The following DSC1 variants were observed in gnomAD, a reference collection of about 807,000 sequenced individuals.
DSC1 encodes the protein desmocollin-1.
DSC1 carries 79 observed loss-of-function variants against 98.8 expected under a neutral mutation model. The observed-to-expected ratio is 0.80, with a 90% CI of 0.67 to 0.96. The LOEUF (loss-of-function observed/expected upper bound fraction) is 0.96. Ranked by LOEUF, DSC1 falls within the 50% of genes least tolerant of loss-of-function variation. The pLI, the probability that DSC1 is intolerant of heterozygous loss-of-function variation, is 0.00. For missense variants in DSC1, 1,115 were observed against 1,075.9 expected (o/e 1.04, Z -0.51); for synonymous variants, 405 against 372.1 (o/e 1.09, Z -1.02).
chr18:31,162,095 A>T (rs2217989), intron 1 of DSC1, among the ~76,000 whole-genome samples: 76,723 of 152,052 alleles, frequency 0.5, 20,723 homozygotes, highest in East Asian at 0.66. Flanking sequence ...AAATTCAAAA[A>T]GTCCTGGATA....
rs778384429 is a variant in DSC1 at position 31,154,826 on chromosome 18, C to G, written c.575G>C (p.Gly192Ala). ...AATGCTCCTTGTACAAAAGATATCC[C>G]CAGTGTCTTTCTCTATGTAAAACAA... ...FNLFYIEKDT[G>A]DIFCTRSIDR... is the part of the protein sequence containing the mutation. The change falls in exon 5 of 16, where the codon GGG becomes GCG. Residue 192 changes from glycine (G) to alanine (A), a missense_variant. Physicochemically the swap from Gly to Ala is moderately conservative, Grantham distance 60. Transcript: ENST00000257198. The G allele has an allele frequency of 3.7e-6, 6 of 1,613,972 alleles. No individual in the cohort carries two copies. Among genetic ancestry groups the G allele is most frequent in the Non-Finnish European group, 4.2e-6 (5 of 1,179,922 alleles).
intron 11 of DSC1, among the ~76,000 whole-genome samples, chr18:31,135,076 A>C (rs981091049): frequency 6.6e-6 from 1 of 152,186 alleles, no homozygotes; most frequent in African/African-American, 2.4e-5. Context: ...GATGTCTTAC[A>C]TCCTTCTTTA....
rs1353532767 is a variant in DSC1, at chr18:31,157,481, G to A, written c.241C>T (p.His81Tyr). Residue 81 changes from histidine to tyrosine, a missense_variant, in exon 3 of 16, where the codon CAT becomes TAT. Transcript: ENST00000257198. Reference sequence around the variant, plus strand: ...CTTTCAGAAGACAAAATGAGGTCATGTGTTGTGTAAATTGAGCCATCTTCT... The same window carrying A: ...CTTTCAGAAGACAAAATGAGGTCATATGTTGTGTAAATTGAGCCATCTTCT... The part of the protein sequence containing the change: ...ILEDGSIYTT[H>Y]DLILSSERKS... The A allele has an allele frequency of 3.7e-6, 6 of 1,614,226 alleles. 1 individual carries two copies. In the South Asian group the frequency reaches 5.5e-5, roughly 15 times the overall value.
At chr18:31,155,885 C>A (rs1365207772) in intron 4 of DSC1, among the ~76,000 whole-genome samples, 158 bp downstream of exon 4, 1 of 152,156 alleles carries the variant, frequency 6.6e-6, no homozygotes, top group Admixed American at 6.5e-5. Flanking sequence ...ATAAGATATA[C>A]TGGGTCACTT....
chr18:31,144,658 G>A (rs2144935952), intron 7 of DSC1, among the ~76,000 whole-genome samples: 1 of 152,224 alleles, frequency 6.6e-6, no homozygotes, highest in Non-Finnish European at 1.5e-5. Context: ...CTCAATAGGA[G>A]GATTTTTAGG....
intron 14 of DSC1, chr18:31,132,184 A>G (rs1988508087): frequency 2.7e-6 from 1 of 365,806 alleles, no homozygotes; most frequent in Non-Finnish European, 5.1e-6. Flanking sequence ...ACATGCACAC[A>G]TGGAGAATCG....
Position 31,145,549 on chromosome 18 carries a change from C to T in DSC1, c.939+62G>A, listed in dbSNP as rs2304553. ...AGACTGGCCATATTGCAACTTCTCT[C>T]GGGAGTTCATTCTCAGTTTAAATGT... is the stretch of plus-strand genomic sequence containing the variant. On this transcript the variant is annotated intron_variant, in intron 7 of 15. Transcript: ENST00000257198. 2,862 of 1,579,108 alleles carry T rather than the reference C, an allele frequency of 1.8e-3. 105 individuals are homozygous for T. The East Asian group carries it at 0.058, about 32-fold the overall frequency.
intron 14 of DSC1, chr18:31,132,077 T>C (rs996426716): frequency 1.8e-6 from 1 of 546,674 alleles, no homozygotes; most frequent in Admixed American, 3.1e-5. Flanking sequence ...AGGGTCATTG[T>C]AGATGTAATT....
rs1598617517 is a variant in DSC1 at position 31,140,291 on chromosome 18, T to C, written c.1271A>G (p.Tyr424Cys). The C allele has an allele frequency of 5.0e-6, 8 of 1,613,846 alleles. No homozygotes were observed. The highest frequency in any genetic ancestry group is 1.7e-5 in the Admixed American group (1 of 59,978). The change falls in exon 10 of 16, where the codon TAT becomes TGT. Residue 424 changes from tyrosine (Y) to cysteine (C), a missense_variant. Physicochemically the swap from Tyr to Cys is radical, Grantham distance 194 (BLOSUM62 -2). Transcript: ENST00000257198. ...GVLCVVKPLN[Y>C]EVNRQVILQV... Reference sequence around the variant, plus strand: ...CAAAATAACTTGGCGATTGACTTCATAGTTCAATGGCTGTTAAATAAGCAT... The same window carrying C: ...CAAAATAACTTGGCGATTGACTTCACAGTTCAATGGCTGTTAAATAAGCAT...
intron 8 of DSC1, among the ~76,000 whole-genome samples, chr18:31,143,152 T>TTA (rs1489079851): frequency 1.1e-4 from 17 of 151,708 alleles, no homozygotes; most frequent in African/African-American, 2.9e-4. Context: ...ATATATATAT[T>TTA]TATATATATC....
At chr18:31,160,484 A>T (rs1035018526) in intron 1 of DSC1, among the ~76,000 whole-genome samples, 15 of 152,318 alleles carry the variant, frequency 9.8e-5, no homozygotes, top group African/African-American at 3.6e-4. Context: ...ATCCATATTA[A>T]GGATGTGCAC....
In DSC1 at chr18:31,142,197, C is replaced by A; in HGVS notation, c.1075-13G>T. ...CTTCTGTAACATACTGAAAGAATTG[C>A]CCCTTATTATTATCAATTTACAACT... On this transcript the variant is annotated splice_polypyrimidine_tract_variant and intron_variant, in intron 8 of 15. Coordinates refer to ENST00000257198, the MANE Select transcript of DSC1 (RefSeq NM_024421.2). 2 of 1,595,244 alleles carry A rather than the reference C, an allele frequency of 1.3e-6. No individual in the cohort carries two copies. The highest frequency in any genetic ancestry group is 2.3e-5 in the East Asian group (1 of 44,366).
At chr18:31,149,326 G>T (rs1402455044) in intron 5 of DSC1, among the ~76,000 whole-genome samples, 7 of 152,146 alleles carry the variant, frequency 4.6e-5, no homozygotes. Flanking sequence ...TACCCAAAGT[G>T]AATTCTGCAT....
At chr18:31,133,837 A>G (rs1405338349) in intron 13 of DSC1, 54 bp downstream of exon 13, 4 of 1,514,546 alleles carry the variant, frequency 2.6e-6, no homozygotes, top group African/African-American at 2.8e-5. Context: ...TTTTAAAAAT[A>G]CTAGATAAAA....
At chr18:31,136,525 T>C (rs1988612931) in intron 11 of DSC1, among the ~76,000 whole-genome samples, 1 of 152,188 alleles carries the variant, frequency 6.6e-6, no homozygotes, top group Non-Finnish European at 1.5e-5. Context: ...AGATGAAAGA[T>C]GCTTGAAATG....
At chr18:31,151,416 A>G (rs527453335) in intron 5 of DSC1, among the ~76,000 whole-genome samples, 25 of 152,332 alleles carry the variant, frequency 1.6e-4, no homozygotes, top group African/African-American at 5.5e-4. Flanking sequence ...CAAAGCAACA[A>G]TTTCAAAAAA....
Position 31,142,096 on chromosome 18 carries a change from G to C in DSC1, c.1163C>G (p.Ser388Ter), listed in dbSNP as rs372950032. Residue 388 changes from serine to a stop codon, truncating the protein, a stop_gained, in exon 9 of 16, where the codon TCA becomes TGA. Coordinates refer to ENST00000257198, the MANE Select transcript of DSC1 (RefSeq NM_024421.2). LOFTEE classifies it high-confidence loss of function. ...TTGTAGGATTTTGTATACAGCCTTTGAGTGAGGAGTGTTTGGCAAATCCTG... is the reference window on the plus strand; with the variant it reads ...TTGTAGGATTTTGTATACAGCCTTTCAGTGAGGAGTGTTTGGCAAATCCTG... ...QDQDLPNTPH[S>*]KAVYKILQGN... is the part of the protein sequence containing the mutation. The C allele has an allele frequency of 5.3e-5, 86 of 1,613,110 alleles. No homozygotes were observed. The highest frequency in any genetic ancestry group is 7.1e-5 in the Non-Finnish European group (84 of 1,179,686).
intron 5 of DSC1, among the ~76,000 whole-genome samples, chr18:31,150,378 TCAC>T (rs1988967650): frequency 1.3e-4 from 1 of 7,544 alleles, no homozygotes; most frequent in African/African-American, 5.5e-4. Context: ...ACCACCATCA[TCAC>T]CACCATCACC....
intron 1 of DSC1, among the ~76,000 whole-genome samples, chr18:31,160,488 T>A (rs1433713253): frequency 6.6e-6 from 1 of 152,196 alleles, no homozygotes; most frequent in African/African-American, 2.4e-5. Context: ...ATATTAAGGA[T>A]GTGCACTTCT....
Sources: gnomAD v4.1 joint callset for allele counts (sites outside exome capture counted in the v4.1 genomes callset) on GRCh38, gnomAD v4.1.1 for gene constraint, MANE v1.5 for transcripts, NCBI Gene and HGNC (gene_info 2026-07-23, HGNC 2026-07-21) for gene names.